PTPRD: variants seen among roughly 807,000 people sequenced by gnomAD.
The protein encoded by PTPRD is protein tyrosine phosphatase receptor type D.
In PTPRD, 34 loss-of-function variants were observed where a neutral mutation model predicts 214.5. That is an observed-to-expected ratio of 0.16 (90% CI 0.12 to 0.21). The LOEUF is 0.21. Among genes scored for constraint, PTPRD ranks in the 10% least tolerant of loss-of-function variants. The pLI is 1.00. For missense variants in PTPRD, 2,545 were observed against 2,398.7 expected (o/e 1.06, Z -1.27); for synonymous variants, 1,128 against 845.7 (o/e 1.33, Z -5.79).
At chr9:10,349,575 G>C (rs2097147937) in intron 2 of PTPRD, among the ~76,000 whole-genome samples, 1 of 152,082 alleles carries the variant, frequency 6.6e-6, no homozygotes, top group South Asian at 2.1e-4. Context: ...ATTTTTTAGA[G>C]TGTCATTTGA....
At chr9:10,065,830 C>A (rs1185297167) in intron 3 of PTPRD, among the ~76,000 whole-genome samples, 1 of 151,842 alleles carries the variant, frequency 6.6e-6, no homozygotes, top group East Asian at 1.9e-4. Context: ...TCAATCATGA[C>A]CAGTTATACT....
chr9:9,855,413 T>A (rs2061363941), intron 5 of PTPRD, among the ~76,000 whole-genome samples: 1 of 152,090 alleles, frequency 6.6e-6, no homozygotes, highest in South Asian at 2.1e-4. Flanking sequence ...CTTTGCCACA[T>A]CATAGCTGAT....
chr9:9,418,781 A>G (rs1044092601), intron 8 of PTPRD, among the ~76,000 whole-genome samples: 4 of 151,934 alleles, frequency 2.6e-5, no homozygotes, highest in African/African-American at 7.2e-5. Context: ...GATCAGGCCT[A>G]AAATTTGATC....
rs12345969 is a variant in PTPRD at position 9,486,928 on chromosome 9, C to T, written c.-237+87804G>A. 1.2e-3 allele frequency among the ~76,000 whole-genome samples: 176 copies of T among 152,240 alleles called. 2 individuals carry two copies. Among genetic ancestry groups the T allele is most frequent in the African/African-American group, 3.5e-3 (147 of 41,540 alleles). On this transcript the variant is annotated intron_variant, in intron 8 of 45. Transcript: ENST00000381196. The stretch of plus-strand genomic sequence containing the variant: ...CAGACACTTCACCCGCTCTTATCAC[C>T]GTGCCTTGCAAATGGCAAGTTCTCA...
chr9:9,962,162 A>C (rs932550491), intron 4 of PTPRD, among the ~76,000 whole-genome samples: 12 of 152,136 alleles, frequency 7.9e-5, no homozygotes, highest in African/African-American at 2.7e-4. Context: ...TAAGCTTTCT[A>C]AAATCACAAA....
intron 5 of PTPRD, among the ~76,000 whole-genome samples, chr9:9,901,170 T>C (rs16930519): frequency 0.023 from 3,492 of 152,228 alleles, 152 homozygotes; most frequent in African/African-American, 0.08. Context: ...TTTTCTGATA[T>C]AACCATCCCA....
chr9:10,518,864 A>C (rs1207057497), intron 2 of PTPRD, among the ~76,000 whole-genome samples: 1 of 151,880 alleles, frequency 6.6e-6, no homozygotes, highest in African/African-American at 2.4e-5. Flanking sequence ...ATAATAATTG[A>C]AATTGTTTTA....
intron 5 of PTPRD, among the ~76,000 whole-genome samples, chr9:9,909,305 T>G (rs1417224387): frequency 6.7e-6 from 1 of 149,888 alleles, no homozygotes; most frequent in East Asian, 2.0e-4. Flanking sequence ...AGGTTGAGTT[T>G]TTAATCTGAA....
intron 14 of PTPRD, among the ~76,000 whole-genome samples, chr9:8,579,113 G>C (rs982978462): frequency 8.5e-5 from 13 of 152,150 alleles, no homozygotes; most frequent in Non-Finnish European, 1.5e-5. Context: ...CAAAGAAACA[G>C]GGAGAATAAG....
chr9:8,674,368 G>C lies in PTPRD; in HGVS notation c.65-37524C>G, dbSNP rs2097355367. Among the ~76,000 whole-genome samples, 3 of 147,300 alleles carry C rather than the reference G, an allele frequency of 2.0e-5. 1 individual carries two copies. The South Asian group carries it at 6.8e-4, about 33-fold the overall frequency. ...AGGCACTCAGGAGACTGAGGCAGGA[G>C]AATTGCTTGAACCCAGGAGGCGGAG... On this transcript the variant is annotated intron_variant, in intron 12 of 45. Transcript: ENST00000381196.
intron 2 of PTPRD, among the ~76,000 whole-genome samples, chr9:10,439,154 T>A (rs201199743): frequency 6.6e-6 from 1 of 151,810 alleles, no homozygotes; most frequent in Admixed American, 6.6e-5. Flanking sequence ...AGCCATTTAG[T>A]CTGTTTCACA....
At chr9:8,633,661 A>C (rs1319894568) in intron 13 of PTPRD, among the ~76,000 whole-genome samples, 3 of 152,120 alleles carry the variant, frequency 2.0e-5, no homozygotes, top group Admixed American at 2.0e-4. Context: ...ATATGCAACT[A>C]CATATGCAAA....
intron 8 of PTPRD, among the ~76,000 whole-genome samples, chr9:9,462,692 A>C (rs1203488790): frequency 6.6e-6 from 1 of 152,052 alleles, no homozygotes; most frequent in Non-Finnish European, 1.5e-5. Flanking sequence ...GATCTCCCTA[A>C]ATGCTGTACT....
At chr9:9,790,477 A>T (rs2098959463) in intron 5 of PTPRD, among the ~76,000 whole-genome samples, 1 of 152,170 alleles carries the variant, frequency 6.6e-6, no homozygotes, top group Non-Finnish European at 1.5e-5. Context: ...GAATAAATCA[A>T]TTCCCTTCTG....
chr9:9,445,493 G>A lies in PTPRD; in HGVS notation c.-236-48011C>T, dbSNP rs140296572. Among the ~76,000 whole-genome samples, 225 of 152,202 alleles carry A rather than the reference G, an allele frequency of 1.5e-3. 1 individual carries two copies. The highest frequency in any genetic ancestry group is 5.2e-3 in the African/African-American group (216 of 41,536). ...GACTGGATAATTCATAAATGAAAGAGGTTTAATTGACTCATAGTTCTGCAT... is the reference window on the plus strand; with the variant it reads ...GACTGGATAATTCATAAATGAAAGAAGTTTAATTGACTCATAGTTCTGCAT... On this transcript the variant is annotated intron_variant, in intron 8 of 45. Transcript: ENST00000381196.
intron 2 of PTPRD, among the ~76,000 whole-genome samples, chr9:10,469,321 A>G (rs747853595): frequency 2.6e-5 from 4 of 152,192 alleles, no homozygotes; most frequent in Non-Finnish European, 5.9e-5. Context: ...AAAAGTGTCT[A>G]AACTATCAGG....
chr9:8,885,599 C>A (rs1471509109), intron 11 of PTPRD, among the ~76,000 whole-genome samples: 1 of 147,984 alleles, frequency 6.8e-6, no homozygotes, highest in Non-Finnish European at 1.5e-5. Context: ...CAGGTTCAAG[C>A]AATTCTCATG....
chr9:8,485,201 T>C (rs13286908), intron 29 of PTPRD, 26 bp downstream of exon 29: 160,382 of 1,591,358 alleles, frequency 0.1, 8,530 homozygotes, highest in East Asian at 0.18. Flanking sequence ...TATCTGTGAT[T>C]TCTTACAAAT....
chr9:9,770,024 T>C (rs2098739452), intron 5 of PTPRD, among the ~76,000 whole-genome samples: 1 of 152,188 alleles, frequency 6.6e-6, no homozygotes, highest in Non-Finnish European at 1.5e-5. Context: ...GGCATTTGGG[T>C]TGGTCCCAAG....
Sources: gnomAD v4.1 joint callset for allele counts (sites outside exome capture counted in the v4.1 genomes callset) on GRCh38, gnomAD v4.1.1 for gene constraint, MANE v1.5 for transcripts, NCBI Gene and HGNC (gene_info 2026-07-23, HGNC 2026-07-21) for gene names.